Variants in PROSER1 observed in about 807,000 individuals in gnomAD.
The protein encoded by PROSER1 is proline and serine-rich protein 1.
PROSER1 carries 36 observed loss-of-function variants against 71.8 expected under a neutral mutation model. That is an observed-to-expected ratio of 0.50 (90% confidence interval 0.38 to 0.66). PROSER1 has a LOEUF of 0.66. PROSER1 is among the 30% of genes least tolerant of loss of function. PROSER1 has a pLI of 0.00. For synonymous variants in PROSER1, 490 were observed against 452.4 expected (o/e 1.08, Z -1.06); for missense variants, 1,107 against 1,135.0 (o/e 0.98, Z 0.35).
chr13:39,028,969 A>G (rs956055820), intron 4 of PROSER1: 1 of 187,614 alleles, frequency 5.3e-6, no homozygotes, highest in South Asian at 1.9e-4. Flanking sequence ...AAAAAAAAAA[A>G]ATTATTGTGT....
intron 9 of PROSER1, 172 bp from the exon 10 acceptor site, chr13:39,017,716 T>C (rs1870073896): frequency 1.9e-6 from 1 of 534,076 alleles, no homozygotes; most frequent in Admixed American, 3.7e-5. Context: ...AACTCTACTA[T>C]TATTACTACT....
Position 39,013,023 on chromosome 13 carries a change from T to G in PROSER1, c.2229A>C (p.Ser743=). The G allele has an allele frequency of 6.2e-7, 1 of 1,614,018 alleles. No individual in the cohort carries two copies. Among genetic ancestry groups the G allele is most frequent in the Non-Finnish European group, 8.5e-7 (1 of 1,179,964 alleles). ...AAAGCCCTGAGAGAACAGCTGCCGT[T>G]GAGCTAGGATGAGGGAGAGATGTGG... is the stretch of plus-strand genomic sequence containing the variant. The part of the protein sequence containing the change: ...ATSTSLPHPS[S]TAAVLSGLSA... Residue 743 remains serine, a synonymous_variant, in exon 11 of 13, where the codon TCA becomes TCC. Transcript: ENST00000352251.
intron 6 of PROSER1, among the ~76,000 whole-genome samples, chr13:39,025,213 T>C (rs1285990306): frequency 6.6e-6 from 1 of 152,182 alleles, no homozygotes. Context: ...TTATTTATAT[T>C]GTCAAGGGTA....
At position 39,012,184 on chromosome 13, in the gene PROSER1, A is replaced by G. The variant is rs1181166269; in HGVS notation, c.2611T>C (p.Leu871=). 1 of 1,614,080 alleles carries G rather than the reference A, an allele frequency of 6.2e-7. No individual in the cohort carries two copies. Among genetic ancestry groups the G allele is most frequent in the Non-Finnish European group, 8.5e-7 (1 of 1,180,010 alleles). The part of the protein sequence containing the change: ...AAGSSVFPGL[L]SLPGIPGFPQ... Reference sequence around the variant, plus strand: ...AACCCAGGGATACCCGGGAGGGACAAAAGGCCTGGAAAAACAGAACTGCCT... The same window carrying G: ...AACCCAGGGATACCCGGGAGGGACAGAAGGCCTGGAAAAACAGAACTGCCT... The change falls in exon 12 of 13, where the codon TTG becomes CTG. Residue 871 remains leucine (L), a synonymous_variant. Coordinates refer to ENST00000352251, the MANE Select transcript of PROSER1 (RefSeq NM_025138.5).
intron 1 of PROSER1, among the ~76,000 whole-genome samples, chr13:39,036,753 G>A (rs1871129016): frequency 6.6e-6 from 1 of 152,062 alleles, no homozygotes; most frequent in Admixed American, 6.5e-5. Context: ...CATGGCCAAC[G>A]CAACAAATAT....
intron 9 of PROSER1, among the ~76,000 whole-genome samples, chr13:39,021,698 CCTTAA>C (rs142977329): frequency 0.016 from 2,370 of 152,180 alleles, 53 homozygotes; most frequent in African/African-American, 0.054. Flanking sequence ...CCTGTTTCTT[CCTTAA>C]CTTAATTCAA....
chr13:39,022,970 C>A, intron 8 of PROSER1, 82 bp downstream of exon 8: 1 of 1,198,982 alleles, frequency 8.3e-7, no homozygotes, highest in South Asian at 1.3e-5. Context: ...GATTTGCCAA[C>A]CACATAGACC....
chr13:39,022,533 A>G, intron 8 of PROSER1, 121 bp from the exon 9 acceptor site: 1 of 655,572 alleles, frequency 1.5e-6, no homozygotes, highest in Admixed American at 2.6e-5. Flanking sequence ...AAAAACTCCT[A>G]TTTAATACAG....
At chr13:39,036,816 G>C (rs984539011) in intron 1 of PROSER1, among the ~76,000 whole-genome samples, 5 of 152,088 alleles carry the variant, frequency 3.3e-5, no homozygotes, top group Admixed American at 2.6e-4. Context: ...TACCATAAAA[G>C]AAACTTTCTG....
rs1443609514 is a variant in PROSER1, at chr13:39,010,772, A to G, written c.*593T>C. 1 of 152,782 alleles carries G rather than the reference A, an allele frequency of 6.5e-6. No individual in the cohort carries two copies. The highest frequency in any genetic ancestry group is 1.5e-5 in the Non-Finnish European group (1 of 68,144). The allele number at this position is 152,782 out of a possible 1,614,324, so 9.5% of individuals were successfully genotyped here. On this transcript the variant is annotated 3_prime_UTR_variant, in exon 13 of 13. Coordinates refer to ENST00000352251, the MANE Select transcript of PROSER1 (RefSeq NM_025138.5). The stretch of plus-strand genomic sequence containing the variant: ...ACCTGAAAGTCATTCTATAGTCTAC[A>G]TTAAGCACCACTTTCACTTACCTGA...
Position 39,029,522 on chromosome 13 carries a change from A to G in PROSER1, c.181-147T>C. 4 of 470,474 alleles carry G rather than the reference A, an allele frequency of 8.5e-6. 1 individual carries two copies. In the South Asian group the frequency reaches 2.0e-4, roughly 24 times the overall value. The allele number at this position is 470,474 out of a possible 1,614,324, so 29.1% of individuals were successfully genotyped here. A position where few individuals can be genotyped will look rare whatever the true frequency, so the allele number is the denominator to read the frequency against. ...TAGGTGAAAACCACTTACTCAAAAG[A>G]AAGTTCTAACAATAAATGAATTATG... On this transcript the variant is annotated intron_variant, in intron 3 of 12. Transcript: ENST00000352251.
intron 4 of PROSER1, 26 bp downstream of exon 4, chr13:39,029,247 TAAAAAAAA>T (rs34146778): frequency 1.2e-3 from 879 of 740,652 alleles, no homozygotes; most frequent in East Asian, 2.0e-3. Context: ...TTTTCCCAAG[TAAAAAAAA>T]AAAAAAAAAA....
intron 4 of PROSER1, 188 bp downstream of exon 4, chr13:39,029,093 T>C (rs925110513): frequency 5.1e-6 from 2 of 394,060 alleles, no homozygotes; most frequent in Non-Finnish European, 8.9e-6. Context: ...AGCCCCTTCA[T>C]TTTATAAGTT....
Position 39,037,369 on chromosome 13 carries a change from G to A in PROSER1, c.-127C>T, listed in dbSNP as rs922969091. 1 of 734,704 alleles carries A rather than the reference G, an allele frequency of 1.4e-6. No individual in the cohort carries two copies. Among genetic ancestry groups the A allele is most frequent in the South Asian group, 1.6e-5 (1 of 64,000 alleles). The allele number at this position is 734,704 out of a possible 1,614,324, so 45.5% of individuals were successfully genotyped here. ...GAGGAAAAAGACTCCACGAGCAAGA[G>A]AGGATGCGAAGAGGTAGAGAGTATT... On this transcript the variant is annotated 5_prime_UTR_variant, in exon 1 of 13. Coordinates refer to ENST00000352251, the MANE Select transcript of PROSER1 (RefSeq NM_025138.5).
In PROSER1 at chr13:39,011,983, T is replaced by G. The variant is rs1190585730; in HGVS notation, c.2712+100A>C. The G allele has an allele frequency of 2.4e-6, 3 of 1,244,756 alleles. No individual in the cohort carries two copies. In the African/African-American group the frequency reaches 4.5e-5, roughly 19 times the overall value. The allele number at this position is 1,244,756 out of a possible 1,614,324, so 77.1% of individuals were successfully genotyped here. A position where few individuals can be genotyped will look rare whatever the true frequency, so the allele number is the denominator to read the frequency against. ...TATGCATTCTGCTAAGAGCCATTTT[T>G]TGCCAATGTTGGGATATCGCAAATG... On this transcript the variant is annotated intron_variant, in intron 12 of 12. Transcript: ENST00000352251.
chr13:39,014,615 T>A (rs978289870), intron 10 of PROSER1, 139 bp from the exon 11 acceptor site: 4 of 672,110 alleles, frequency 6.0e-6, no homozygotes, highest in Middle Eastern at 3.8e-4. Context: ...TCTTGTAATA[T>A]CTAAATTGCT....
chr13:39,022,546 G>C (rs1870345873), intron 8 of PROSER1, 134 bp from the exon 9 acceptor site: 1 of 599,528 alleles, frequency 1.7e-6, no homozygotes, highest in Non-Finnish European at 3.0e-6. Context: ...TAATACAGTT[G>C]ATTTTATATG....
At chr13:39,017,349 TAA>T in intron 10 of PROSER1, 149 bp downstream of exon 10, 1 of 628,650 alleles carries the variant, frequency 1.6e-6, no homozygotes, top group South Asian at 1.9e-5. Context: ...GTAACACTAG[TAA>T]ACCACTTTTA....
At position 39,013,987 on chromosome 13, in the gene PROSER1, G is replaced by C; in HGVS notation, c.1265C>G (p.Ser422Cys). 1 of 1,614,186 alleles carries C rather than the reference G, an allele frequency of 6.2e-7. No homozygotes were observed. The highest frequency in any genetic ancestry group is 1.1e-5 in the South Asian group (1 of 91,080). ...TGCAAAAACTGATGACAATGAAGCA[G>C]AATTTGGGTTGCTGGTAGAAGCAGC... ...SSAASTSNPN[S>C]ASLSSVFAGL... Residue 422 changes from serine (S) to cysteine (C), a missense_variant, in exon 11 of 13, where the codon TCT becomes TGT. Coordinates refer to ENST00000352251, the MANE Select transcript of PROSER1 (RefSeq NM_025138.5).
Sources: gnomAD v4.1 joint callset for allele counts (sites outside exome capture counted in the v4.1 genomes callset) on GRCh38, gnomAD v4.1.1 for gene constraint, MANE v1.5 for transcripts, NCBI Gene and HGNC (gene_info 2026-07-23, HGNC 2026-07-21) for gene names.